APOB: variants seen among roughly 807,000 people sequenced by gnomAD.
APOB encodes apolipoprotein B.
In APOB, 153 loss-of-function variants were observed where a neutral mutation model predicts 314.1. The observed-to-expected ratio is 0.49, with a 90% CI of 0.43 to 0.56. The LOEUF is 0.56. Ranked by LOEUF, APOB falls within the 20% of genes least tolerant of loss-of-function variation. APOB has a pLI of 0.00. For synonymous variants in APOB, 2,087 were observed against 2,036.4 expected (o/e 1.02, Z -0.67); for missense variants, 5,430 against 5,350.7 (o/e 1.01, Z -0.46).
intron 10 of APOB, among the ~76,000 whole-genome samples, chr2:21,031,620 A>G (rs1663881666): frequency 6.6e-6 from 1 of 152,196 alleles, no homozygotes; most frequent in Non-Finnish European, 1.5e-5. Context: ...AAAAAGAAAA[A>G]GCCAAAAAAT....
intron 4 of APOB, among the ~76,000 whole-genome samples, chr2:21,038,638 G>A (rs1262712141): frequency 6.6e-6 from 1 of 152,122 alleles, no homozygotes; most frequent in African/African-American, 2.4e-5. Flanking sequence ...GTCCAGCTGT[G>A]TTTTAACTTT....
chr2:21,038,938 C>T (rs986415719), intron 4 of APOB, among the ~76,000 whole-genome samples: 2 of 152,174 alleles, frequency 1.3e-5, no homozygotes, highest in African/African-American at 4.8e-5. Context: ...TTTTTAAAAG[C>T]TGCATGCAGA....
chr2:21,004,682 A>G lies in APOB; in HGVS notation c.11789-7T>C, dbSNP rs1444125521. On this transcript the variant is annotated splice_region_variant and splice_polypyrimidine_tract_variant and intron_variant, in intron 26 of 28. Transcript: ENST00000233242. ...ATTTTGTGTGTTCCCAAAACTGTATAGGAGAGATTTTGTATTTTATTAGAT... is the reference window on the plus strand; with the variant it reads ...ATTTTGTGTGTTCCCAAAACTGTATGGGAGAGATTTTGTATTTTATTAGAT... The G allele has an allele frequency of 1.9e-6, 3 of 1,597,308 alleles. No individual in the cohort carries two copies. The highest frequency in any genetic ancestry group is 2.6e-6 in the Non-Finnish European group (3 of 1,164,864).
Position 21,044,045 on chromosome 2 carries a change from C to T in APOB, c.-100G>A. 1 of 497,646 alleles carries T rather than the reference C, an allele frequency of 2.0e-6. No individual in the cohort carries two copies. The highest frequency in any genetic ancestry group is 3.0e-6 in the Non-Finnish European group (1 of 330,426). 30.8% of individuals were successfully genotyped at this position (497,646 alleles called of 1,614,324 possible). On this transcript the variant is annotated 5_prime_UTR_variant, in exon 1 of 29. Transcript: ENST00000233242. ...CCTCAGCGGCAGCAACCGAGAAGGG[C>T]ACTCAGCCCCGCAGGTCCCGGTGGG...
chr2:21,004,467 A>G lies in APOB; in HGVS notation c.11904-15T>C, dbSNP rs370325726. 1 of 1,613,892 alleles carries G rather than the reference A, an allele frequency of 6.2e-7. No homozygotes were observed. Among genetic ancestry groups the G allele is most frequent in the African/African-American group, 1.3e-5 (1 of 74,898 alleles). On this transcript the variant is annotated splice_polypyrimidine_tract_variant and intron_variant, in intron 27 of 28. Coordinates refer to ENST00000233242, the MANE Select transcript of APOB (RefSeq NM_000384.3). ...CTTCCCATTCCCTGAAAGCAGAAAA[A>G]CAGATGAGCTATCACGAAAGGGGTA...
At chr2:21,041,366 G>A (rs896292884) in intron 3 of APOB, among the ~76,000 whole-genome samples, 8 of 152,214 alleles carry the variant, frequency 5.3e-5, no homozygotes, top group Admixed American at 3.3e-4. Flanking sequence ...TGGTTCTAAA[G>A]TTACTCACTT....
At chr2:21,016,722 C>T (rs1663476904) in intron 20 of APOB, 73 bp from the exon 21 acceptor site, 5 of 964,770 alleles carry the variant, frequency 5.2e-6, no homozygotes, top group Admixed American at 1.7e-5. Flanking sequence ...CGGTGGCTCA[C>T]ACCTGTAATC....
intron 6 of APOB, 97 bp from the exon 7 acceptor site, chr2:21,035,805 C>A: frequency 4.8e-6 from 6 of 1,238,236 alleles, no homozygotes; most frequent in Non-Finnish European, 7.0e-6. Context: ...AGTCCTGTAC[C>A]ACTAGATAAA....
Position 21,008,190 on chromosome 2 carries a change from A to C in APOB, c.8678T>G (p.Leu2893Trp), listed in dbSNP as rs1663203451. ...LDSNTKYFHK[L>W]NIPKLDFSSQ... ...AGAGAAGTCCAGTTTGGGGATGTTC[A>C]ATTTGTGGAAGTATTTAGTGTTGCT... Residue 2893 changes from leucine to tryptophan, a missense_variant, in exon 26 of 29, where the codon TTG becomes TGG. By Grantham distance (61) the Leu-to-Trp change is moderately conservative. This residue lies in a region of APOB where 3,281 missense variants were observed against 3,171.0 expected (regional missense o/e 1.03). Transcript: ENST00000233242. 1.9e-6 allele frequency: 3 copies of C among 1,613,906 alleles called. No homozygotes were observed. The highest frequency in any genetic ancestry group is 1.3e-5 in the African/African-American group (1 of 74,886).
In APOB at chr2:21,023,543, T is replaced by C. The variant is rs1289438420; in HGVS notation, c.2586A>G (p.Val862=). The C allele has an allele frequency of 1.9e-6, 3 of 1,614,198 alleles. No individual in the cohort carries two copies. The highest frequency in any genetic ancestry group is 2.2e-5 in the East Asian group (1 of 44,872). Reference sequence around the variant, plus strand: ...ATCTTACGTTGGCTACTTCCAGTTTTACTCCAGCCTTGGCTCCGGGAGCAA... The same window carrying C: ...ATCTTACGTTGGCTACTTCCAGTTTCACTCCAGCCTTGGCTCCGGGAGCAA... ...GVIAPGAKAG[V]KLEVANMQAE... is the part of the protein sequence containing the mutation. The change falls in exon 17 of 29, where the codon GTA becomes GTG. Residue 862 remains valine (V), a synonymous_variant. Coordinates refer to ENST00000233242, the MANE Select transcript of APOB (RefSeq NM_000384.3).
Position 21,011,939 on chromosome 2 carries a change from C to T in APOB, c.4929G>A (p.Ala1643=), listed in dbSNP as rs200623857. 207 of 1,614,012 alleles carry T rather than the reference C, an allele frequency of 1.3e-4. No homozygotes were observed. The highest frequency in any genetic ancestry group is 2.0e-4 in the East Asian group (9 of 44,886). The change falls in exon 26 of 29, where the codon GCG becomes GCA. Residue 1643 remains alanine (A), a synonymous_variant. Transcript: ENST00000233242. ...TDKINSGAHK[A]TLRIGQDGIS... ...TTCCATCTTGGCCAATCCTTAGTGT[C>T]GCCTTGTGAGCACCACTATTAATTT... is the stretch of plus-strand genomic sequence containing the variant.
rs769437017 is a variant in APOB at position 21,007,481 on chromosome 2, A to C, written c.9387T>G (p.Pro3129=). 5.0e-6 allele frequency: 8 copies of C among 1,614,134 alleles called. No individual in the cohort carries two copies. The South Asian group carries it at 8.8e-5, about 18-fold the overall frequency. Reference sequence around the variant, plus strand: ...GTAGACGCATTTCAGGAATTGTTAAAGGAATGTTTAAGAAATCCAGATTTG... The same window carrying C: ...GTAGACGCATTTCAGGAATTGTTAACGGAATGTTTAAGAAATCCAGATTTG... The part of the protein sequence containing the change: ...GEANLDFLNI[P]LTIPEMRLPY... Residue 3129 remains proline, a synonymous_variant, in exon 26 of 29, where the codon CCT becomes CCG. Transcript: ENST00000233242.
rs770531319 is a variant in APOB, at chr2:21,004,624, C to T, written c.11840G>A (p.Gly3947Glu). ...ACTGAAGTCACGGTGTGCAAATGTTCCTTTAGTCTTAGAGGCTAACGTACC... is the reference window on the plus strand; with the variant it reads ...ACTGAAGTCACGGTGTGCAAATGTTTCTTTAGTCTTAGAGGCTAACGTACC... ...EDGTLASKTK[G>E]TFAHRDFSAE... The change falls in exon 27 of 29, where the codon GGA (glycine) becomes GAA (glutamate). Residue 3947 changes from glycine (G) to glutamate (E), a missense_variant. Gly to Glu is a moderately conservative substitution (Grantham distance 98, BLOSUM62 -2). This residue lies in a region of APOB where 3,281 missense variants were observed against 3,171.0 expected (regional missense o/e 1.03). Coordinates refer to ENST00000233242, the MANE Select transcript of APOB (RefSeq NM_000384.3). The T allele has an allele frequency of 2.9e-5, 47 of 1,613,812 alleles. No individual in the cohort carries two copies. Among genetic ancestry groups the T allele is most frequent in the African/African-American group, 8.0e-5 (6 of 74,886 alleles).
In APOB at chr2:21,006,553, T is replaced by A. The variant is rs1291531445; in HGVS notation, c.10315A>T (p.Asn3439Tyr). 1.2e-6 allele frequency: 2 copies of A among 1,614,108 alleles called. No individual in the cohort carries two copies. Reference protein sequence around the residue: ...TKAQIPILRMNFKQELNGNTK... With the variant: ...TKAQIPILRMYFKQELNGNTK... ...TTTCCATTAAGTTCTTGCTTGAAAT[T>A]CATTCTCAAAATTGGAATTTGGGCT... Residue 3439 changes from asparagine (N) to tyrosine (Y), a missense_variant, in exon 26 of 29, where the codon AAT (asparagine) becomes TAT (tyrosine). Physicochemically the swap from Asn to Tyr is moderately radical, Grantham distance 143 (BLOSUM62 -2). Around this residue, in one of 3 missense-constraint regions of APOB, gnomAD observed 3,281 missense variants for 3,171.0 expected, o/e 1.03. Transcript: ENST00000233242.
chr2:21,022,968 G>A lies in APOB; in HGVS notation c.2679C>T (p.Asp893=). ...FVTNMGIIIP[D]FARSGVQMNT... ...TCATCTGGACCCCACTCCTAGCGAAGTCCGGAATGATGATGCCCATATTTG... is the reference window on the plus strand; with the variant it reads ...TCATCTGGACCCCACTCCTAGCGAAATCCGGAATGATGATGCCCATATTTG... Residue 893 remains aspartate, a synonymous_variant, in exon 18 of 29, where the codon GAC becomes GAT. Transcript: ENST00000233242. The A allele has an allele frequency of 6.2e-7, 1 of 1,614,180 alleles. No homozygotes were observed. The highest frequency in any genetic ancestry group is 8.5e-7 in the Non-Finnish European group (1 of 1,180,040).
intron 26 of APOB, 140 bp downstream of exon 26, chr2:21,004,940 T>G: frequency 8.5e-7 from 1 of 1,177,700 alleles, no homozygotes; most frequent in Non-Finnish European, 1.2e-6. Flanking sequence ...GTGTAGGGTA[T>G]ACATGTATCT....
chr2:21,024,983 C>T lies in APOB; in HGVS notation c.2386G>A (p.Gly796Arg). ...FASLHDLQLL[G>R]KLLLMGARTL... Reference sequence around the variant, plus strand: ...CGGGCACCCATCAGAAGCAGCTTTCCCAGGAGCTGGAGGTCATGGAGACTG... The same window carrying T: ...CGGGCACCCATCAGAAGCAGCTTTCTCAGGAGCTGGAGGTCATGGAGACTG... The change falls in exon 16 of 29, where the codon GGA becomes AGA. Residue 796 changes from glycine (G) to arginine (R), a missense_variant. By Grantham distance (125) the Gly-to-Arg change is moderately radical. Transcript: ENST00000233242. The T allele has an allele frequency of 1.2e-6, 2 of 1,614,174 alleles. No individual in the cohort carries two copies. The highest frequency in any genetic ancestry group is 1.7e-6 in the Non-Finnish European group (2 of 1,180,028).
At position 21,015,254 on chromosome 2, in the gene APOB, T is replaced by C; in HGVS notation, c.3515A>G (p.Glu1172Gly). 1.2e-6 allele frequency: 2 copies of C among 1,614,200 alleles called. No individual in the cohort carries two copies. Among genetic ancestry groups the C allele is most frequent in the East Asian group, 2.2e-5 (1 of 44,892 alleles). The change falls in exon 23 of 29, where the codon GAG (glutamate) becomes GGG (glycine). Residue 1172 changes from glutamate (E) to glycine (G), a missense_variant. By Grantham distance (98) the Glu-to-Gly change is moderately conservative. Coordinates refer to ENST00000233242, the MANE Select transcript of APOB (RefSeq NM_000384.3). ...SKRVAWHYDE[E>G]KIEFEWNTGT... ...TGTGTTCCATTCAAATTCAATCTTC[T>C]CTTCATCTGAAAATACGTAGGAAAT...
intron 23 of APOB, 64 bp downstream of exon 23, chr2:21,015,009 C>G: frequency 6.7e-7 from 1 of 1,497,832 alleles, no homozygotes; most frequent in Non-Finnish European, 9.3e-7. Context: ...GCACCTAGCT[C>G]AGAGTTGAGG....
Sources: gnomAD v4.1 joint callset for allele counts (sites outside exome capture counted in the v4.1 genomes callset) on GRCh38, gnomAD v4.1.1 for gene constraint, gnomAD v4.1.1 regional missense constraint, MANE v1.5 for transcripts, NCBI Gene and HGNC (gene_info 2026-07-23, HGNC 2026-07-21) for gene names.